Variants in ERBB4 observed in about 807,000 individuals in gnomAD.
ERBB4 encodes receptor tyrosine-protein kinase erbB-4.
ERBB4 carries 42 observed loss-of-function variants against 158.0 expected under a neutral mutation model. The observed-to-expected ratio is 0.27, with a 90% CI of 0.21 to 0.34. ERBB4 has a LOEUF of 0.34. Among genes scored for constraint, ERBB4 ranks in the 10% least tolerant of loss-of-function variants. The pLI is 1.00. For missense variants in ERBB4, 1,333 were observed against 1,624.1 expected (o/e 0.82, Z 3.08); for synonymous variants, 583 against 558.7 (o/e 1.04, Z -0.61).
At chr2:211,734,745 C>T (rs2074546561) in intron 5 of ERBB4, among the ~76,000 whole-genome samples, 1 of 150,380 alleles carries the variant, frequency 6.6e-6, no homozygotes, top group East Asian at 2.0e-4. Context: ...ATGGTGAAAC[C>T]CCATCTCTAC....
chr2:211,391,962 C>T (rs73985420), intron 25 of ERBB4, among the ~76,000 whole-genome samples: 1,899 of 152,230 alleles, frequency 0.012, 37 homozygotes, highest in African/African-American at 0.044. Context: ...ATAATTATTA[C>T]TTTCAATAGT....
At chr2:212,140,846 AGTGTGTGTGTGT>A (rs35461019) in intron 1 of ERBB4, among the ~76,000 whole-genome samples, 28 of 131,736 alleles carry the variant, frequency 2.1e-4, no homozygotes, top group Middle Eastern at 3.9e-3. Context: ...AGGAAACATG[AGTGTGTGTGTGT>A]GTGTGTGTGT....
chr2:212,121,967 CT>C (rs1016345139), intron 2 of ERBB4, among the ~76,000 whole-genome samples: 6 of 151,888 alleles, frequency 4.0e-5, no homozygotes, highest in African/African-American at 1.5e-4. Context: ...CACTCCACCC[CT>C]ACCATTAACA....
At chr2:212,338,834 G>A (rs1296672436) in intron 1 of ERBB4, among the ~76,000 whole-genome samples, 1 of 152,042 alleles carries the variant, frequency 6.6e-6, no homozygotes, top group Non-Finnish European at 1.5e-5. Flanking sequence ...AGAAATTCAG[G>A]ACAACGCATA....
At chr2:211,820,770 A>G (rs1282249771) in intron 3 of ERBB4, among the ~76,000 whole-genome samples, 1 of 151,916 alleles carries the variant, frequency 6.6e-6, no homozygotes, top group Non-Finnish European at 1.5e-5. Flanking sequence ...CAGAAGTGCA[A>G]GGATAGGTCA....
At chr2:211,775,164 G>A (rs73069347) in intron 4 of ERBB4, among the ~76,000 whole-genome samples, 22,239 of 152,124 alleles carry the variant, frequency 0.15, 1,828 homozygotes, top group South Asian at 0.33. Flanking sequence ...TTCTATCTTG[G>A]ACAATGAGCT....
At chr2:212,430,288 A>G (rs956508442) in intron 1 of ERBB4, among the ~76,000 whole-genome samples, 2 of 152,344 alleles carry the variant, frequency 1.3e-5, no homozygotes, top group African/African-American at 4.8e-5. Context: ...AATCTACACC[A>G]TGTCTATATC....
At chr2:211,872,798 C>T (rs990693857) in intron 3 of ERBB4, among the ~76,000 whole-genome samples, 1 of 151,954 alleles carries the variant, frequency 6.6e-6, no homozygotes, top group Non-Finnish European at 1.5e-5. Context: ...GTAAAAGGTA[C>T]ATTTACTTTT....
intron 20 of ERBB4, among the ~76,000 whole-genome samples, chr2:211,483,212 A>T (rs1397452778): frequency 1.3e-5 from 2 of 152,148 alleles, no homozygotes; most frequent in Admixed American, 1.3e-4. Context: ...CAATTGATGG[A>T]CAAATTAAGT....
intron 5 of ERBB4, among the ~76,000 whole-genome samples, chr2:211,728,688 T>G (rs1221879052): frequency 6.6e-6 from 1 of 151,882 alleles, no homozygotes; most frequent in Non-Finnish European, 1.5e-5. Context: ...TGCTTCTATT[T>G]GACAGCTATT....
At chr2:212,493,669 AATC>A (rs1690405862) in intron 1 of ERBB4, among the ~76,000 whole-genome samples, 1 of 151,866 alleles carries the variant, frequency 6.6e-6, no homozygotes, top group Admixed American at 6.6e-5. Flanking sequence ...ACTAAAATCA[AATC>A]AACACAATTC....
At chr2:212,528,019 G>C (rs537330804) in intron 1 of ERBB4, among the ~76,000 whole-genome samples, 9 of 151,768 alleles carry the variant, frequency 5.9e-5, no homozygotes, top group African/African-American at 1.5e-4. Flanking sequence ...ATACGCCCCT[G>C]ATTCGAAGTT....
chr2:212,418,715 T>C (rs747496531), intron 1 of ERBB4, among the ~76,000 whole-genome samples: 23 of 151,740 alleles, frequency 1.5e-4, no homozygotes, highest in Non-Finnish European at 3.2e-4. Context: ...CCTCCCTAGA[T>C]TGTCAATTAA....
At chr2:212,104,270 A>G (rs2125524682) in intron 2 of ERBB4, among the ~76,000 whole-genome samples, 1 of 152,176 alleles carries the variant, frequency 6.6e-6, no homozygotes, top group South Asian at 2.1e-4. Context: ...TCATCTTGGG[A>G]TCCCTAGCAG....
chr2:211,746,944 T>C (rs1032905992), intron 5 of ERBB4, among the ~76,000 whole-genome samples: 1 of 151,634 alleles, frequency 6.6e-6, no homozygotes, highest in Non-Finnish European at 1.5e-5. Flanking sequence ...AACTAGGAGG[T>C]AAACATTGTC....
At chr2:211,535,325 T>C (rs530262482) in intron 20 of ERBB4, among the ~76,000 whole-genome samples, 1 of 152,190 alleles carries the variant, frequency 6.6e-6, no homozygotes, top group Non-Finnish European at 1.5e-5. Flanking sequence ...CTGTCTCTTA[T>C]TCTCATTCTC....
rs565595094 is a variant in ERBB4, at chr2:212,292,825, G to T, written c.83-167922C>A. 3.3e-5 allele frequency among the ~76,000 whole-genome samples: 5 copies of T among 152,168 alleles called. No homozygotes were observed. The South Asian group carries it at 1.0e-3, about 32-fold the overall frequency. ...AACCAGAGAACCATTGAAAGTTCAT[G>T]TATCAATTAATAGGTCAAGTAAAAA... On this transcript the variant is annotated intron_variant, in intron 1 of 27. Coordinates refer to ENST00000342788, the MANE Select transcript of ERBB4 (RefSeq NM_005235.3).
chr2:212,290,067 G>GA (rs1173300363), intron 1 of ERBB4, among the ~76,000 whole-genome samples: 1 of 151,988 alleles, frequency 6.6e-6, no homozygotes, highest in East Asian at 1.9e-4. Context: ...TTTTTCAGCA[G>GA]AAAAAAGAAA....
At chr2:211,815,837 A>G (rs1396684245) in intron 3 of ERBB4, among the ~76,000 whole-genome samples, 2 of 152,126 alleles carry the variant, frequency 1.3e-5, no homozygotes, top group Non-Finnish European at 2.9e-5. Context: ...AAGAAGGGGG[A>G]TAAGCAGCTT....
Sources: gnomAD v4.1 joint callset for allele counts (sites outside exome capture counted in the v4.1 genomes callset) on GRCh38, gnomAD v4.1.1 for gene constraint, MANE v1.5 for transcripts, NCBI Gene and HGNC (gene_info 2026-07-23, HGNC 2026-07-21) for gene names.